Variants in ANGPT1 observed in about 807,000 individuals in gnomAD.
The protein encoded by ANGPT1 is angiopoietin-1.
In ANGPT1, 17 loss-of-function variants were observed where a neutral mutation model predicts 62.2. That is an observed-to-expected ratio of 0.27 (90% confidence interval 0.19 to 0.41). The LOEUF (loss-of-function observed/expected upper bound fraction) is 0.41, where lower values mean the gene tolerates loss of function less well. Ranked by LOEUF, ANGPT1 falls within the 10% of genes least tolerant of loss-of-function variation. The pLI, the probability that ANGPT1 is intolerant of heterozygous loss-of-function variation, is 1.00. For synonymous variants in ANGPT1, 199 were observed against 198.9 expected (o/e 1.00, Z 0.00); for missense variants, 478 against 594.9 (o/e 0.80, Z 2.04).
At chr8:107,394,720 C>T (rs1816901762) in intron 1 of ANGPT1, among the ~76,000 whole-genome samples, 1 of 152,058 alleles carries the variant, frequency 6.6e-6, no homozygotes, top group Admixed American at 6.5e-5. Flanking sequence ...ATTTTTATTG[C>T]CCAAACCATT....
chr8:107,356,298 T>C (rs1272302066), intron 1 of ANGPT1, among the ~76,000 whole-genome samples: 2 of 152,200 alleles, frequency 1.3e-5, no homozygotes, highest in African/African-American at 4.8e-5. Flanking sequence ...ACTAACCATG[T>C]CTTAATCATT....
chr8:107,284,566 A>G lies in ANGPT1; in HGVS notation c.1205+116T>C, dbSNP rs145611986. ...TCTTTGTAATAGGTCTAGACAAAAA[A>G]AAAAGAATTTTCATTTTGAAGGATG... On this transcript the variant is annotated intron_variant, in intron 7 of 8. Transcript: ENST00000517746. 3.8e-6 allele frequency: 4 copies of G among 1,064,202 alleles called. No homozygotes were observed. The East Asian group carries it at 1.2e-4, about 31-fold the overall frequency. 65.9% of individuals were successfully genotyped at this position (1,064,202 alleles called of 1,614,324 possible).
At chr8:107,376,863 A>C (rs1460811161) in intron 1 of ANGPT1, among the ~76,000 whole-genome samples, 1 of 152,216 alleles carries the variant, frequency 6.6e-6, no homozygotes, top group Non-Finnish European at 1.5e-5. Flanking sequence ...GTGTCTGGGA[A>C]ACAGAGTATT....
chr8:107,405,328 T>C (rs1351524794), intron 1 of ANGPT1, among the ~76,000 whole-genome samples: 2 of 151,942 alleles, frequency 1.3e-5, no homozygotes, highest in Non-Finnish European at 2.9e-5. Flanking sequence ...TAATGGTATA[T>C]TGCAAATAAA....
chr8:107,443,734 G>T (rs778262256), intron 1 of ANGPT1, among the ~76,000 whole-genome samples: 12 of 151,008 alleles, frequency 7.9e-5, no homozygotes, highest in Admixed American at 2.6e-4. Flanking sequence ...CAGGAGAATC[G>T]CTTGAACACA....
chr8:107,425,929 C>T (rs1265523966), intron 1 of ANGPT1, among the ~76,000 whole-genome samples: 6 of 152,314 alleles, frequency 3.9e-5, no homozygotes, highest in Admixed American at 3.9e-4. Flanking sequence ...TCGGGAACAG[C>T]TCCAGGTTTT....
intron 1 of ANGPT1, among the ~76,000 whole-genome samples, chr8:107,374,499 G>A (rs953105510): frequency 6.6e-6 from 1 of 152,204 alleles, no homozygotes; most frequent in Admixed American, 6.5e-5. Flanking sequence ...AGCCAAGGGT[G>A]TAAGTGGGGG....
At chr8:107,443,560 G>A (rs546854584) in intron 1 of ANGPT1, among the ~76,000 whole-genome samples, 7 of 151,814 alleles carry the variant, frequency 4.6e-5, no homozygotes, top group African/African-American at 1.7e-4. Flanking sequence ...GGTAATCCCA[G>A]CACTTTGGGA....
At position 107,251,672 on chromosome 8, in the gene ANGPT1, G is replaced by A; in HGVS notation, c.*183C>T. On this transcript the variant is annotated 3_prime_UTR_variant, in exon 9 of 9. Transcript: ENST00000517746. ...CGTGAGCACTGTCACCCCAAGTAGAGACTCTTGTGAACTCAAACGGCTCCA... is the reference window on the plus strand; with the variant it reads ...CGTGAGCACTGTCACCCCAAGTAGAAACTCTTGTGAACTCAAACGGCTCCA... 1.5e-6 allele frequency: 1 copy of A among 684,340 alleles called. No individual in the cohort carries two copies. The highest frequency in any genetic ancestry group is 2.4e-6 in the Non-Finnish European group (1 of 422,032). The allele number at this position is 684,340 out of a possible 1,614,324, so 42.4% of individuals were successfully genotyped here. A position where few individuals can be genotyped will look rare whatever the true frequency, so the allele number is the denominator to read the frequency against.
In ANGPT1 at chr8:107,478,524, G is replaced by C. The variant is rs187885971; in HGVS notation, c.297+18738C>G. On this transcript the variant is annotated intron_variant, in intron 1 of 8. Coordinates refer to ENST00000517746, the MANE Select transcript of ANGPT1 (RefSeq NM_001146.5). ...AGATCGCACGGCTGCACTCCAGTCT[G>C]GGCAACAGAGCGAGACTCCATCTCA... Among the ~76,000 whole-genome samples, 1,342 of 152,180 alleles carry C rather than the reference G, an allele frequency of 8.8e-3. 10 individuals are homozygous for C. Among genetic ancestry groups the C allele is most frequent in the Non-Finnish European group, 0.013 (889 of 68,004 alleles).
At chr8:107,316,915 C>T (rs138258567) in intron 4 of ANGPT1, among the ~76,000 whole-genome samples, 1 of 152,262 alleles carries the variant, frequency 6.6e-6, no homozygotes, top group African/African-American at 2.4e-5. Context: ...GGCAAATTCT[C>T]AAATTCTCTG....
chr8:107,475,672 T>A (rs915959982), intron 1 of ANGPT1, among the ~76,000 whole-genome samples: 1 of 152,126 alleles, frequency 6.6e-6, no homozygotes, highest in African/African-American at 2.4e-5. Flanking sequence ...GAGAAAATTT[T>A]TGCAATTTAC....
intron 1 of ANGPT1, among the ~76,000 whole-genome samples, chr8:107,436,191 C>G (rs1178256965): frequency 6.6e-6 from 1 of 152,224 alleles, no homozygotes; most frequent in African/African-American, 2.4e-5. Flanking sequence ...GAGGCATGAG[C>G]CACAGTGCCT....
At chr8:107,404,277 C>T (rs1330354297) in intron 1 of ANGPT1, among the ~76,000 whole-genome samples, 3 of 152,060 alleles carry the variant, frequency 2.0e-5, no homozygotes, top group Admixed American at 6.6e-5. Context: ...CTATGGTATA[C>T]ATAAATACTT....
chr8:107,300,951 G>A (rs189438234), intron 5 of ANGPT1, among the ~76,000 whole-genome samples: 422 of 151,944 alleles, frequency 2.8e-3, no homozygotes, highest in African/African-American at 9.8e-3. Context: ...ACCTATTCAG[G>A]ATTATGAATT....
intron 1 of ANGPT1, among the ~76,000 whole-genome samples, chr8:107,473,176 C>A (rs1398351400): frequency 6.6e-6 from 1 of 152,058 alleles, no homozygotes; most frequent in Non-Finnish European, 1.5e-5. Context: ...GTTGATGTAA[C>A]AAAACCATTA....
intron 7 of ANGPT1, among the ~76,000 whole-genome samples, chr8:107,273,865 A>C (rs2130082125): frequency 6.6e-6 from 1 of 151,836 alleles, no homozygotes; most frequent in South Asian, 2.1e-4. Flanking sequence ...ATTACACATA[A>C]ATTTATACAA....
intron 1 of ANGPT1, among the ~76,000 whole-genome samples, chr8:107,375,031 G>A (rs550515408): frequency 3.9e-5 from 6 of 152,114 alleles, no homozygotes; most frequent in South Asian, 4.2e-4. Flanking sequence ...GTGGTGGCAC[G>A]CGCCTACAGT....
chr8:107,251,856 CA>C lies in ANGPT1; in HGVS notation c.1495del (p.Ter499GlufsTer21), dbSNP rs868552794. 1.9e-6 allele frequency: 3 copies of C among 1,613,660 alleles called. No homozygotes were observed. Among genetic ancestry groups the C allele is most frequent in the Non-Finnish European group, 2.5e-6 (3 of 1,179,748 alleles). On this transcript the variant is annotated frameshift_variant and stop_lost, in exon 9 of 9. Coordinates refer to ENST00000517746, the MANE Select transcript of ANGPT1 (RefSeq NM_001146.5). LOFTEE classifies it high-confidence loss of function. ...ATAATCGCTTCTGACATTGCGCTTT[CA>C]AAAATCTAAAGGTCGAATCATCATA... ...TTMMIRPLDF[*>X]
Sources: allele counts gnomAD v4.1 joint callset (sites outside exome capture counted in the v4.1 genomes callset), GRCh38; gene constraint gnomAD v4.1.1; transcripts MANE v1.5; gene names NCBI Gene and HGNC (gene_info 2026-07-23, HGNC 2026-07-21).